STON2: variants seen among roughly 807,000 people sequenced by gnomAD.
STON2 encodes stonin-2.
Under a neutral mutation model 65.7 loss-of-function variants are expected in STON2, and 29 were observed. That is an observed-to-expected ratio of 0.44 (90% CI 0.33 to 0.60). The LOEUF (loss-of-function observed/expected upper bound fraction) is 0.60, where lower values mean the gene tolerates loss of function less well. Among genes scored for constraint, STON2 ranks in the 20% least tolerant of loss-of-function variants. STON2 has a pLI of 0.03. For missense variants in STON2, 1,054 were observed against 1,118.1 expected, an observed-to-expected ratio of 0.94 and a Z score of 0.82; for synonymous variants, 404 against 414.2, an observed-to-expected ratio of 0.98 and a Z score of 0.30.
At chr14:81,387,235 A>C (rs1036797078) in intron 3 of STON2, among the ~76,000 whole-genome samples, 1 of 152,102 alleles carries the variant, frequency 6.6e-6, no homozygotes, top group African/African-American at 2.4e-5. Context: ...TTCAGAGTTC[A>C]ATAAATGAGT....
At chr14:81,269,967 TTCA>T (rs1894506157) in intron 7 of STON2, 1 of 985,334 alleles carries the variant, frequency 1.0e-6, no homozygotes, top group African/African-American at 1.7e-5. Context: ...TCAGGTCCAC[TTCA>T]TCAACTCTAA....
At chr14:81,344,111 T>C (rs1400496223) in intron 4 of STON2, among the ~76,000 whole-genome samples, 1 of 152,108 alleles carries the variant, frequency 6.6e-6, no homozygotes, top group Non-Finnish European at 1.5e-5. Context: ...AGCCAGCCCC[T>C]AGCCCCTGAG....
At position 81,412,680 on chromosome 14, in the gene STON2, G is replaced by A. The variant is rs549361714; in HGVS notation, c.-198-14100C>T. ...GCAATAGTTGCACAACGATGTGAAA[G>A]GACATAATGCTGCTGAACTCTACTC... On this transcript the variant is annotated intron_variant, in intron 2 of 8. Transcript: ENST00000553821. 7.9e-5 allele frequency among the ~76,000 whole-genome samples: 11 copies of A among 139,486 alleles called. 1 individual carries two copies. The South Asian group carries it at 2.4e-3, about 31-fold the overall frequency. The allele number at this position is 139,486 out of a possible 152,430, so 91.5% of individuals were successfully genotyped here. A position where few individuals can be genotyped will look rare whatever the true frequency, so the allele number is the denominator to read the frequency against.
intron 4 of STON2, among the ~76,000 whole-genome samples, chr14:81,338,070 A>G (rs1044152999): frequency 1.3e-5 from 2 of 152,202 alleles, no homozygotes; most frequent in African/African-American, 4.8e-5. Context: ...CTGTTCTAAT[A>G]CTTGGTTGTT....
At chr14:81,312,093 A>G (rs564366005) in intron 5 of STON2, among the ~76,000 whole-genome samples, 1 of 152,348 alleles carries the variant, frequency 6.6e-6, no homozygotes, top group African/African-American at 2.4e-5. Flanking sequence ...CACACCTTGC[A>G]TTCTTGACTA....
At chr14:81,413,039 T>G in intron 2 of STON2, 1 of 993,968 alleles carries the variant, frequency 1.0e-6, no homozygotes. Context: ...CTCGGTGGAG[T>G]GCGCTCCTCA....
intron 4 of STON2, among the ~76,000 whole-genome samples, chr14:81,342,700 C>T (rs1003890465): frequency 6.6e-6 from 1 of 152,126 alleles, no homozygotes; most frequent in African/African-American, 2.4e-5. Context: ...GAAGAGGCCA[C>T]AGAAGAGAGC....
At chr14:81,354,681 A>C (rs1898153929) in intron 4 of STON2, among the ~76,000 whole-genome samples, 1 of 152,188 alleles carries the variant, frequency 6.6e-6, no homozygotes, top group Non-Finnish European at 1.5e-5. Flanking sequence ...ACAACAACAA[A>C]AAATAGAAAT....
At chr14:81,410,834 G>A (rs187537322) in intron 2 of STON2, among the ~76,000 whole-genome samples, 28 of 152,264 alleles carry the variant, frequency 1.8e-4, no homozygotes, top group Admixed American at 7.2e-4. Context: ...TAAAATCTTC[G>A]GAGTCTAGGC....
intron 4 of STON2, among the ~76,000 whole-genome samples, chr14:81,328,094 C>T (rs1897065804): frequency 6.6e-6 from 1 of 152,068 alleles, no homozygotes; most frequent in South Asian, 2.1e-4. Flanking sequence ...AGTAGATACT[C>T]AATAAGTTGT....
chr14:81,320,369 G>A (rs1896777062), intron 5 of STON2, among the ~76,000 whole-genome samples: 1 of 149,930 alleles, frequency 6.7e-6, no homozygotes, highest in African/African-American at 2.5e-5. Flanking sequence ...TCCAACCCTT[G>A]ATAAGAGGAG....
chr14:81,352,973 C>A (rs1292152264), intron 4 of STON2, among the ~76,000 whole-genome samples: 1 of 152,112 alleles, frequency 6.6e-6, no homozygotes, highest in East Asian at 1.9e-4. Flanking sequence ...CCTAAGTCAC[C>A]ATATTTGCAG....
intron 2 of STON2, among the ~76,000 whole-genome samples, chr14:81,409,763 C>A (rs1411554187): frequency 6.6e-6 from 1 of 152,182 alleles, no homozygotes; most frequent in Non-Finnish European, 1.5e-5. Context: ...ATTCTGCCTT[C>A]TAGAAATGAG....
intron 4 of STON2, among the ~76,000 whole-genome samples, chr14:81,359,978 C>G (rs1310868762): frequency 6.6e-6 from 1 of 152,206 alleles, no homozygotes; most frequent in Non-Finnish European, 1.5e-5. Context: ...GTGGTCCCAG[C>G]CACATAAGGG....
intron 4 of STON2, among the ~76,000 whole-genome samples, chr14:81,334,982 C>A (rs1158155165): frequency 6.6e-6 from 1 of 151,188 alleles, no homozygotes; most frequent in Non-Finnish European, 1.5e-5. Context: ...AGGCTACAGC[C>A]ACACACCACC....
rs1894131407 is a variant in STON2 at position 81,261,270 on chromosome 14, G to C, written c.*7144C>G. On this transcript the variant is annotated 3_prime_UTR_variant, in exon 8 of 8. Transcript: ENST00000614646. ...ACATGGAGGCGCAACAGTGCTTAAG[G>C]CTTCAGTCATGGTGTGGGGCTAGAC... The C allele has an allele frequency of 6.6e-6, 1 of 152,214 alleles. No homozygotes were observed. Among genetic ancestry groups the C allele is most frequent in the Non-Finnish European group, 1.5e-5 (1 of 68,118 alleles). 9.4% of individuals were successfully genotyped at this position (152,214 alleles called of 1,614,324 possible). A position where few individuals can be genotyped will look rare whatever the true frequency, so the allele number is the denominator to read the frequency against.
At position 81,412,159 on chromosome 14, in the gene STON2, T is replaced by A. The variant is rs1412201575; in HGVS notation, c.-198-13579A>T. 1.4e-5 allele frequency among the ~76,000 whole-genome samples: 2 copies of A among 139,936 alleles called. 1 individual carries two copies. Among genetic ancestry groups the A allele is most frequent in the Non-Finnish European group, 3.0e-5 (2 of 66,952 alleles). The allele number at this position is 139,936 out of a possible 152,430, so 91.8% of individuals were successfully genotyped here. On this transcript the variant is annotated intron_variant, in intron 2 of 8. Transcript: ENST00000553821. ...TCAGATTAAGATGTTTAACTTTTAC[T>A]CCAAGCACGATGAGAAGTCACTGAA...
intron 4 of STON2, among the ~76,000 whole-genome samples, chr14:81,348,903 T>A (rs1002389296): frequency 1.3e-5 from 2 of 151,884 alleles, no homozygotes; most frequent in African/African-American, 4.8e-5. Flanking sequence ...AACAGACCCA[T>A]AAGGCCAATG....
chr14:81,334,489 C>T (rs1453444462), intron 4 of STON2, among the ~76,000 whole-genome samples: 1 of 152,132 alleles, frequency 6.6e-6, no homozygotes, highest in Non-Finnish European at 1.5e-5. Flanking sequence ...ACAGCAACCC[C>T]CTTTTATTAT....
Sources: allele counts gnomAD v4.1 joint callset (sites outside exome capture counted in the v4.1 genomes callset), GRCh38; gene constraint gnomAD v4.1.1; transcripts MANE v1.5; gene names NCBI Gene and HGNC (gene_info 2026-07-23, HGNC 2026-07-21).